The following KCNN2 variants were observed in gnomAD, a reference collection of about 807,000 sequenced individuals.
The protein encoded by KCNN2 is potassium calcium-activated channel subfamily N member 2.
Under a neutral mutation model 55.5 loss-of-function variants are expected in KCNN2, and 24 were observed. That is an observed-to-expected ratio of 0.43 (90% CI 0.31 to 0.61). The LOEUF (loss-of-function observed/expected upper bound fraction) is 0.61. Among genes scored for constraint, KCNN2 ranks in the 20% least tolerant of loss-of-function variants. The pLI is 0.08. For missense variants in KCNN2, 754 were observed against 853.6 expected (o/e 0.88, Z 1.45); for synonymous variants, 431 against 336.1 (o/e 1.28, Z -3.09).
intron 1 of KCNN2, among the ~76,000 whole-genome samples, chr5:114,077,798 C>T (rs1750713056): frequency 6.6e-6 from 1 of 152,098 alleles, no homozygotes; most frequent in African/African-American, 2.4e-5. Flanking sequence ...TTTCTCTGTC[C>T]CGTCTAGGGG....
chr5:114,353,587 T>A (rs180948202), intron 2 of KCNN2, among the ~76,000 whole-genome samples: 1 of 151,938 alleles, frequency 6.6e-6, no homozygotes, highest in African/African-American at 2.4e-5. Context: ...TTTGATGTTA[T>A]CTGCTTTCAG....
intron 1 of KCNN2, 117 bp downstream of exon 1, chr5:114,363,378 C>A: frequency 7.9e-7 from 1 of 1,272,784 alleles, no homozygotes; most frequent in Non-Finnish European, 1.1e-6. Context: ...ATCAAGGGAG[C>A]CCGCCAGGAC....
intron 4 of KCNN2, among the ~76,000 whole-genome samples, chr5:114,467,483 T>C (rs1032660250): frequency 6.6e-5 from 10 of 152,320 alleles, no homozygotes; most frequent in African/African-American, 2.2e-4. Context: ...TTTGTATTGC[T>C]TGCTTTTTGG....
intron 2 of KCNN2, among the ~76,000 whole-genome samples, chr5:114,278,774 C>T (rs916026858): frequency 1.3e-5 from 2 of 152,194 alleles, no homozygotes; most frequent in African/African-American, 4.8e-5. Context: ...TACAGTCACT[C>T]ACAGCTTCCT....
At chr5:114,357,546 G>A (rs1399521570), upstream of KCNN2, among the ~76,000 whole-genome samples, 2 of 127,048 alleles carry the variant, frequency 1.6e-5, no homozygotes, top group South Asian at 2.9e-4. Flanking sequence ...GAGAATATGC[G>A]GTGTTTGGTT....
At chr5:114,442,189 G>A (rs1282948721) in intron 3 of KCNN2, among the ~76,000 whole-genome samples, 1 of 151,556 alleles carries the variant, frequency 6.6e-6, no homozygotes, top group Admixed American at 6.6e-5. Flanking sequence ...GATTTCACGT[G>A]GGGAAGAGAC....
At chr5:114,129,768 G>GGA (rs2082023929) in intron 1 of KCNN2, among the ~76,000 whole-genome samples, 1 of 152,294 alleles carries the variant, frequency 6.6e-6, no homozygotes, top group Admixed American at 6.5e-5. Context: ...TGGCCATTGT[G>GGA]GAGACCTGCA....
At chr5:114,471,314 T>C (rs960397230) in intron 4 of KCNN2, among the ~76,000 whole-genome samples, 5 of 50,236 alleles carry the variant, frequency 1.0e-4, no homozygotes, top group Non-Finnish European at 2.1e-4. Flanking sequence ...CTTTAATCTC[T>C]AGATTACTTA....
At chr5:114,111,641 A>G (rs1751600079) in intron 1 of KCNN2, among the ~76,000 whole-genome samples, 1 of 152,194 alleles carries the variant, frequency 6.6e-6, no homozygotes, top group Non-Finnish European at 1.5e-5. Context: ...ACAAGAAAAA[A>G]ACAACCCCAT....
intron 3 of KCNN2, among the ~76,000 whole-genome samples, chr5:114,444,485 C>T (rs1250916921): frequency 6.6e-6 from 1 of 152,028 alleles, no homozygotes; most frequent in Non-Finnish European, 1.5e-5. Context: ...GCTTAGGGTG[C>T]AAGTTCAGGA....
chr5:114,064,013 G>T (rs1338706468), intron 1 of KCNN2, among the ~76,000 whole-genome samples: 2 of 152,172 alleles, frequency 1.3e-5, no homozygotes, highest in Non-Finnish European at 2.9e-5. Flanking sequence ...GTGGATCAGG[G>T]ATTCCCAGAC....
chr5:114,373,640 T>TTTTATATATA lies in KCNN2; in HGVS notation c.1218+9640_1218+9641insTTATATATAT, dbSNP rs536849367. 2.0e-3 allele frequency among the ~76,000 whole-genome samples: 115 copies of TTTTATATATA among 56,718 alleles called. 15 individuals are homozygous for TTTTATATATA. The highest frequency in any genetic ancestry group is 5.9e-3 in the African/African-American group (112 of 19,012). 37.2% of individuals were successfully genotyped at this position (56,718 alleles called of 152,430 possible). Reference sequence around the variant, plus strand: ...CTCTCATGGTGTTGTTATGAAGATTTTATATATATATATATATAAAATTAC... The same window carrying TTTTATATATA: ...CTCTCATGGTGTTGTTATGAAGATTTTTTATATATATATATATATATATATATAAAATTAC... On this transcript the variant is annotated intron_variant, in intron 2 of 7. Transcript: ENST00000673685.
At chr5:114,454,901 G>A (rs988602335) in intron 3 of KCNN2, among the ~76,000 whole-genome samples, 3 of 152,158 alleles carry the variant, frequency 2.0e-5, no homozygotes, top group African/African-American at 7.2e-5. Flanking sequence ...TTCGAATTGG[G>A]GGTACACAGA....
intron 1 of KCNN2, among the ~76,000 whole-genome samples, chr5:114,102,875 C>T (rs560160328): frequency 3.3e-5 from 5 of 152,234 alleles, no homozygotes; most frequent in African/African-American, 1.2e-4. Flanking sequence ...TAGCGTGATG[C>T]CTCCAGCTTT....
At chr5:114,288,926 A>G (rs950132938) in intron 2 of KCNN2, among the ~76,000 whole-genome samples, 1 of 151,940 alleles carries the variant, frequency 6.6e-6, no homozygotes, top group Non-Finnish European at 1.5e-5. Flanking sequence ...CTAAGAATGT[A>G]TTGCCAAAAC....
At chr5:114,121,718 A>T (rs558847250) in intron 1 of KCNN2, among the ~76,000 whole-genome samples, 1 of 152,266 alleles carries the variant, frequency 6.6e-6, no homozygotes, top group Admixed American at 6.5e-5. Flanking sequence ...CTCCCAGCTG[A>T]TATCCTCTCT....
intron 1 of KCNN2, among the ~76,000 whole-genome samples, chr5:114,211,513 G>C (rs1753885177): frequency 6.6e-6 from 1 of 152,176 alleles, no homozygotes; most frequent in Non-Finnish European, 1.5e-5. Flanking sequence ...TAATTGGTGA[G>C]AATTCATGGA....
At chr5:114,086,744 C>A (rs1031093561) in intron 1 of KCNN2, among the ~76,000 whole-genome samples, 1 of 152,074 alleles carries the variant, frequency 6.6e-6, no homozygotes, top group Non-Finnish European at 1.5e-5. Context: ...GATGAACACA[C>A]AAGTGAATGT....
At chr5:114,437,893 G>T (rs1037925185) in intron 3 of KCNN2, among the ~76,000 whole-genome samples, 2 of 151,978 alleles carry the variant, frequency 1.3e-5, no homozygotes, top group African/African-American at 4.8e-5. Context: ...TTCTTTCTTA[G>T]TTCATTTTCT....
Sources: allele counts gnomAD v4.1 joint callset (sites outside exome capture counted in the v4.1 genomes callset), GRCh38; gene constraint gnomAD v4.1.1; transcripts MANE v1.5; gene names NCBI Gene and HGNC (gene_info 2026-07-23, HGNC 2026-07-21).